The following TBXAS1 variants were observed in gnomAD, a reference collection of about 807,000 sequenced individuals.
TBXAS1 encodes the protein thromboxane A synthase 1.
Under a neutral mutation model 60.7 loss-of-function variants are expected in TBXAS1, and 48 were observed. That is an observed-to-expected ratio of 0.79 (90% CI 0.63 to 1.01). The LOEUF is 1.01. TBXAS1 is among the 50% of genes least tolerant of loss of function. TBXAS1 has a pLI of 0.00. For missense variants in TBXAS1, 685 were observed against 686.3 expected (o/e 1.00, Z 0.02); for synonymous variants, 287 against 269.7 (o/e 1.06, Z -0.63).
At chr7:139,985,206 C>T (rs750154306) in intron 9 of TBXAS1, among the ~76,000 whole-genome samples, 6 of 152,236 alleles carry the variant, frequency 3.9e-5, no homozygotes, top group Middle Eastern at 3.2e-3. Flanking sequence ...CTCTGGGACC[C>T]CAAAGCACAG....
At chr7:139,824,500 G>C (rs1240619914), upstream of TBXAS1, among the ~76,000 whole-genome samples, 4 of 152,232 alleles carry the variant, frequency 2.6e-5, no homozygotes, top group Admixed American at 2.6e-4. Context: ...CAACTCGAAT[G>C]CTGTTTAGCA....
intron 1 of TBXAS1, among the ~76,000 whole-genome samples, chr7:139,845,384 C>A (rs1799730043): frequency 1.3e-5 from 2 of 152,140 alleles, no homozygotes; most frequent in African/African-American, 4.8e-5. Context: ...ACAGCTCCTC[C>A]CACACACCAT....
intron 5 of TBXAS1, among the ~76,000 whole-genome samples, chr7:139,950,893 A>G (rs1974531): frequency 0.65 from 74,547 of 114,064 alleles, 25,113 homozygotes; most frequent in East Asian, 0.74. Flanking sequence ...CTCCATCTAC[A>G]GGACCCACTC....
intron 10 of TBXAS1, among the ~76,000 whole-genome samples, chr7:140,014,981 C>T (rs906332687): frequency 4.6e-5 from 7 of 151,696 alleles, no homozygotes; most frequent in Non-Finnish European, 8.8e-5. Flanking sequence ...CAGCAAAAAA[C>T]AGCAGGTGAA....
chr7:139,918,299 G>A (rs1172009195), intron 4 of TBXAS1, among the ~76,000 whole-genome samples: 2 of 152,064 alleles, frequency 1.3e-5, no homozygotes, highest in Non-Finnish European at 2.9e-5. Context: ...AATCCCTAAG[G>A]TCTGTTTGGT....
intron 9 of TBXAS1, among the ~76,000 whole-genome samples, chr7:139,982,336 T>C (rs567386282): frequency 2.0e-5 from 3 of 152,338 alleles, no homozygotes; most frequent in Non-Finnish European, 2.9e-5. Flanking sequence ...TGCTGTTTTA[T>C]GGAGAAAGGC....
At chr7:139,906,162 T>C in intron 3 of TBXAS1, 2 of 343,254 alleles carry the variant, frequency 5.8e-6, no homozygotes, top group Non-Finnish European at 1.1e-5. Context: ...TTCAAGCAAT[T>C]CTCCTGCCTC....
chr7:139,828,706 C>T (rs550952298), upstream of TBXAS1, among the ~76,000 whole-genome samples: 1 of 152,154 alleles, frequency 6.6e-6, no homozygotes, highest in Admixed American at 6.5e-5. Context: ...TACGGATCTG[C>T]CTTCAAACAC....
intron 9 of TBXAS1, among the ~76,000 whole-genome samples, chr7:139,980,842 T>A (rs1811914542): frequency 6.6e-6 from 1 of 151,794 alleles, no homozygotes; most frequent in African/African-American, 2.4e-5. Flanking sequence ...CTTCACTGTC[T>A]GCACCAGAGT....
intron 4 of TBXAS1, among the ~76,000 whole-genome samples, chr7:139,796,510 C>T (rs1159719690): frequency 1.3e-5 from 2 of 152,210 alleles, no homozygotes; most frequent in Admixed American, 1.3e-4. Context: ...ACGTGGAGCA[C>T]AGATGATTTT....
intron 9 of TBXAS1, among the ~76,000 whole-genome samples, chr7:139,984,640 G>GAGAGAGAGAA (rs1007635035): frequency 7.0e-5 from 7 of 99,860 alleles, no homozygotes; most frequent in African/African-American, 2.7e-4. Flanking sequence ...GAGAGAGAGA[G>GAGAGAGAGAA]AGAAAGAAAG....
intron 9 of TBXAS1, among the ~76,000 whole-genome samples, chr7:139,972,809 G>A (rs1260569147): frequency 6.6e-6 from 1 of 152,164 alleles, no homozygotes; most frequent in East Asian, 1.9e-4. Flanking sequence ...CGACTAGGAA[G>A]CCTCGTCCGC....
At chr7:139,995,091 A>C (rs940374116) in intron 9 of TBXAS1, among the ~76,000 whole-genome samples, 78 of 152,150 alleles carry the variant, frequency 5.1e-4, no homozygotes, top group African/African-American at 1.8e-3. Flanking sequence ...CAGCCTCTGA[A>C]GACTCCTGGG....
At chr7:139,988,674 T>C (rs1422539110) in intron 9 of TBXAS1, among the ~76,000 whole-genome samples, 1 of 152,056 alleles carries the variant, frequency 6.6e-6, no homozygotes, top group Admixed American at 6.5e-5. Flanking sequence ...CCTTTGACCA[T>C]CAGCCCAGCT....
At position 139,969,438 on chromosome 7, in the gene TBXAS1, A is replaced by C. The variant is rs184402602; in HGVS notation, c.1134+7205A>C. On this transcript the variant is annotated intron_variant, in intron 9 of 12. Coordinates refer to ENST00000448866, the MANE Select transcript of TBXAS1 (RefSeq NM_001061.7). ...GCAGTCAGAGGATCTCCAAGAAAAA[A>C]AAGCATATTATGTGCTTACAAAAAA... is the stretch of plus-strand genomic sequence containing the variant. 5.1e-3 allele frequency among the ~76,000 whole-genome samples: 747 copies of C among 147,840 alleles called. 7 individuals are homozygous for C. Among genetic ancestry groups the C allele is most frequent in the African/African-American group, 0.018 (716 of 39,780 alleles).
At chr7:139,993,288 T>C (rs1813057848) in intron 9 of TBXAS1, among the ~76,000 whole-genome samples, 1 of 152,154 alleles carries the variant, frequency 6.6e-6, no homozygotes, top group South Asian at 2.1e-4. Context: ...TATATGATCA[T>C]GTTGGGGAAT....
At chr7:139,925,015 G>A (rs1806777356) in intron 4 of TBXAS1, among the ~76,000 whole-genome samples, 2 of 152,176 alleles carry the variant, frequency 1.3e-5, no homozygotes, top group Non-Finnish European at 2.9e-5. Context: ...ATTGGTCTAT[G>A]TGTCTGGTTT....
chr7:139,793,253 C>T (rs1797445282), intron 4 of TBXAS1, among the ~76,000 whole-genome samples: 1 of 151,966 alleles, frequency 6.6e-6, no homozygotes, highest in African/African-American at 2.4e-5. Flanking sequence ...CTTGTCTCTA[C>T]TAAAAGTACA....
At chr7:139,949,387 G>T (rs914606470) in intron 5 of TBXAS1, among the ~76,000 whole-genome samples, 1 of 152,170 alleles carries the variant, frequency 6.6e-6, no homozygotes, top group South Asian at 2.1e-4. Context: ...AATTTAAAAG[G>T]TATTTAGGTT....
Sources: gnomAD v4.1 joint callset for allele counts (sites outside exome capture counted in the v4.1 genomes callset) on GRCh38, gnomAD v4.1.1 for gene constraint, MANE v1.5 for transcripts, NCBI Gene and HGNC (gene_info 2026-07-23, HGNC 2026-07-21) for gene names.